Variants in CCNT1 observed in about 807,000 individuals in gnomAD.
The protein encoded by CCNT1 is cyclin T1, also known as cyclin-T1.
CCNT1 carries 18 observed loss-of-function variants against 67.3 expected under a neutral mutation model. The ratio of observed to expected loss-of-function variants is 0.27; its 90% CI spans 0.18 to 0.40. CCNT1 has a LOEUF of 0.40. CCNT1 is among the 10% of genes least tolerant of loss of function. The probability of loss-of-function intolerance (pLI) is 1.00; values close to 1 mark genes in which losing one functional copy is unlikely to be tolerated. For missense variants in CCNT1, 744 were observed against 884.9 expected, an observed-to-expected ratio of 0.84 and a Z score of 2.02; for synonymous variants, 333 against 310.3, an observed-to-expected ratio of 1.07 and a Z score of -0.77.
intron 2 of CCNT1, among the ~76,000 whole-genome samples, chr12:48,713,338 C>T (rs1207783925): frequency 6.6e-6 from 1 of 152,000 alleles, no homozygotes; most frequent in Non-Finnish European, 1.5e-5. Context: ...CATGCATAGC[C>T]TATTTTTCAT....
In CCNT1 at chr12:48,691,502, G is replaced by A. The variant is rs529550110; in HGVS notation, c.*1531C>T. On this transcript the variant is annotated 3_prime_UTR_variant, in exon 9 of 9. Transcript: ENST00000261900. ...ATCTCTGGCTAGGTAGTTTTCAGTG[G>A]TTAGACAACTAACTTAGAATTCTTT... 7.9e-5 allele frequency: 12 copies of A among 152,284 alleles called. No individual in the cohort carries two copies. In the South Asian group the frequency reaches 2.3e-3, roughly 29 times the overall value. The allele number at this position is 152,284 out of a possible 1,614,324, so 9.4% of individuals were successfully genotyped here.
rs763643861 is a variant in CCNT1, at chr12:48,688,794, T to A, written c.*4239A>T. On this transcript the variant is annotated 3_prime_UTR_variant, in exon 9 of 9. Transcript: ENST00000261900. The stretch of plus-strand genomic sequence containing the variant: ...CACAAAATTGTACCTGAGTGACAGA[T>A]TGGTAAAGTGTTTTACTTTTTTTTT... 2 of 148,438 alleles carry A rather than the reference T, an allele frequency of 1.3e-5. No individual in the cohort carries two copies. The allele number at this position is 148,438 out of a possible 1,614,324, so 9.2% of individuals were successfully genotyped here.
At chr12:48,710,906 C>A (rs967199294) in intron 2 of CCNT1, among the ~76,000 whole-genome samples, 3 of 151,998 alleles carry the variant, frequency 2.0e-5, no homozygotes, top group African/African-American at 4.8e-5. Flanking sequence ...ACTAAAAATA[C>A]AAAAATCAGC....
chr12:48,700,236 G>A (rs1232836623), intron 4 of CCNT1, among the ~76,000 whole-genome samples: 3 of 150,574 alleles, frequency 2.0e-5, no homozygotes, highest in Non-Finnish European at 4.4e-5. Context: ...GGAGAATGGC[G>A]TGCACCCAGG....
At chr12:48,695,867 A>T in intron 7 of CCNT1, 38 bp from the exon 8 acceptor site, 1 of 1,540,080 alleles carries the variant, frequency 6.5e-7, no homozygotes, top group Non-Finnish European at 9.0e-7. Flanking sequence ...AGACTGAGAG[A>T]AACAGAAGTA....
rs755236447 is a variant in CCNT1, at chr12:48,693,852, C to T, written c.1362G>A (p.Lys454=). ...SENPERPFLE[K]ADKTALKMRI... is the part of the protein sequence containing the mutation. ...TCATTTTGAGAGCTGTTTTGTCAGC[C>T]TTTTCCAGAAAAGGCCGCTCGGGGT... The change falls in exon 9 of 9, where the codon AAG becomes AAA. Residue 454 remains lysine, a synonymous_variant. Coordinates refer to ENST00000261900, the MANE Select transcript of CCNT1 (RefSeq NM_001240.4). 14 of 1,614,040 alleles carry T rather than the reference C, an allele frequency of 8.7e-6. No homozygotes were observed. The South Asian group carries it at 1.4e-4, about 16-fold the overall frequency.
At chr12:48,704,117 GAAAAC>G (rs1940316709) in intron 3 of CCNT1, among the ~76,000 whole-genome samples, 1 of 152,056 alleles carries the variant, frequency 6.6e-6, no homozygotes, top group South Asian at 2.1e-4. Flanking sequence ...GTAAGCAAAT[GAAAAC>G]AAACCAGAGA....
rs923849978 is a variant in CCNT1 at position 48,701,614 on chromosome 12, C to CT, written c.373-542dup. ...TATGTATTTTTTGCTTTTCTTTTTT[C>CT]TTTTTTTTTTGAGTTGGAGTTTCGC... On this transcript the variant is annotated intron_variant, in intron 3 of 8. Coordinates refer to ENST00000261900, the MANE Select transcript of CCNT1 (RefSeq NM_001240.4). 3.0e-3 allele frequency among the ~76,000 whole-genome samples: 438 copies of CT among 146,008 alleles called. 5 individuals carry two copies. Among genetic ancestry groups the CT allele is most frequent in the African/African-American group, 9.7e-3 (388 of 39,900 alleles).
chr12:48,697,003 T>C (rs1940179459), intron 6 of CCNT1, among the ~76,000 whole-genome samples: 1 of 152,096 alleles, frequency 6.6e-6, no homozygotes, highest in Non-Finnish European at 1.5e-5. Context: ...CTGCCAATTT[T>C]CGTATTTTTT....
chr12:48,693,658 T>C lies in CCNT1; in HGVS notation c.1556A>G (p.His519Arg), dbSNP rs142303037. The C allele has an allele frequency of 9.2e-4, 1,490 of 1,614,158 alleles. 5 individuals carry two copies. Among genetic ancestry groups the C allele is most frequent in the Non-Finnish European group, 6.9e-4 (817 of 1,180,012 alleles). Residue 519 changes from histidine to arginine, a missense_variant, in exon 9 of 9, where the codon CAT becomes CGT. By Grantham distance (29) the His-to-Arg change is conservative. This residue lies in a region of CCNT1 where 564 missense variants were observed against 574.2 expected (regional missense o/e 0.98). Transcript: ENST00000261900. ...CTTGTGTGAGTGGTGATTATGATGA[T>C]GATGATGATTAGATGGGTGAGTCTT... ...KHKTHPSNHH[H>R]HHNHHSHKHS...
chr12:48,700,232 T>A (rs887659557), intron 4 of CCNT1, among the ~76,000 whole-genome samples: 2 of 147,802 alleles, frequency 1.4e-5, no homozygotes, highest in African/African-American at 5.0e-5. Context: ...GGCAGGAGAA[T>A]GGCGTGCACC....
chr12:48,714,343 A>T (rs1397241005), intron 2 of CCNT1, 100 bp downstream of exon 2: 3 of 710,018 alleles, frequency 4.2e-6, no homozygotes, highest in Non-Finnish European at 7.5e-6. Context: ...TAAATTCTAA[A>T]GTTCAAGTTA....
chr12:48,695,934 C>T, intron 7 of CCNT1, 65 bp downstream of exon 7: 2 of 1,581,616 alleles, frequency 1.3e-6, no homozygotes, highest in Non-Finnish European at 1.7e-6. Context: ...ATCAAGTCAC[C>T]TTTGGCCAGC....
In CCNT1 at chr12:48,698,825, G is replaced by A. The variant is rs541544298; in HGVS notation, c.497-642C>T. ...ATAAAAAATTAGCTGGGGTGGTGGC[G>A]CATGCCTGTAATCCCAGCTACTCGG... On this transcript the variant is annotated intron_variant, in intron 5 of 8. Transcript: ENST00000261900. Among the ~76,000 whole-genome samples, 403 of 151,520 alleles carry A rather than the reference G, an allele frequency of 2.7e-3. 1 individual carries two copies. Among genetic ancestry groups the A allele is most frequent in the African/African-American group, 9.3e-3 (387 of 41,484 alleles).
rs1333744279 is a variant in CCNT1 at position 48,696,174 on chromosome 12, G to A, written c.543-12C>T. 3 of 1,560,804 alleles carry A rather than the reference G, an allele frequency of 1.9e-6. No homozygotes were observed. The highest frequency in any genetic ancestry group is 2.6e-6 in the Non-Finnish European group (3 of 1,152,258). On this transcript the variant is annotated splice_polypyrimidine_tract_variant and intron_variant, in intron 6 of 8. Coordinates refer to ENST00000261900, the MANE Select transcript of CCNT1 (RefSeq NM_001240.4). The stretch of plus-strand genomic sequence containing the variant: ...TGGTCAAATGCAGGCTGACATCAGA[G>A]GGAAGAAAACAGAGAGTGTCATGAG...
At chr12:48,703,411 T>C (rs1565618851) in intron 3 of CCNT1, among the ~76,000 whole-genome samples, 1 of 151,004 alleles carries the variant, frequency 6.6e-6, no homozygotes, top group Non-Finnish European at 1.5e-5. Flanking sequence ...CCGTTTCAAC[T>C]AAAAATACAA....
Position 48,693,895 on chromosome 12 carries a change from G to A in CCNT1, c.1319C>T (p.Pro440Leu). The A allele has an allele frequency of 1.2e-6, 2 of 1,614,000 alleles. No homozygotes were observed. The highest frequency in any genetic ancestry group is 1.7e-6 in the Non-Finnish European group (2 of 1,180,002). Residue 440 changes from proline (P) to leucine (L), a missense_variant, in exon 9 of 9, where the codon CCC becomes CTC. Pro to Leu is a moderately conservative substitution (Grantham distance 98). Transcript: ENST00000261900. ...CTCGGGGTTTTCTGAACCCTCTATG[G>A]GCATTTTTAGAATGACTGAAGAATG... ...DSHSSVILKM[P>L]IEGSENPERP...
chr12:48,712,872 G>A (rs920116515), intron 2 of CCNT1, among the ~76,000 whole-genome samples: 8 of 151,784 alleles, frequency 5.3e-5, no homozygotes, highest in South Asian at 2.1e-4. Context: ...TCTGCGAGGC[G>A]GAGGTTGCAA....
intron 3 of CCNT1, among the ~76,000 whole-genome samples, chr12:48,702,555 C>T (rs998093153): frequency 1.3e-5 from 2 of 152,150 alleles, no homozygotes; most frequent in African/African-American, 4.8e-5. Flanking sequence ...GAGGCCAAAG[C>T]AGGTGTATCA....
Sources: allele counts gnomAD v4.1 joint callset (sites outside exome capture counted in the v4.1 genomes callset), GRCh38; gene constraint gnomAD v4.1.1; regional missense constraint gnomAD v4.1.1; transcripts MANE v1.5; gene names NCBI Gene and HGNC (gene_info 2026-07-23, HGNC 2026-07-21).